SHISA9: variants seen among roughly 807,000 people sequenced by gnomAD.
SHISA9 encodes shisa family member 9, also known as protein shisa-9.
Under a neutral mutation model 38.0 loss-of-function variants are expected in SHISA9, and 13 were observed. The observed-to-expected ratio is 0.34, with a 90% CI of 0.22 to 0.54. The LOEUF is 0.54. Among genes scored for constraint, SHISA9 ranks in the 20% least tolerant of loss-of-function variants. SHISA9 has a pLI of 0.91. For missense variants in SHISA9, 538 were observed against 575.8 expected, an observed-to-expected ratio of 0.93 and a Z score of 0.67; for synonymous variants, 275 against 242.0, an observed-to-expected ratio of 1.14 and a Z score of -1.27.
At chr16:13,344,814 G>A in the SHISA9 span, among the ~76,000 whole-genome samples, 1 of 152,148 alleles carries the variant, frequency 6.6e-6, no homozygotes, top group African/African-American at 2.4e-5. Flanking sequence ...AGCCCAAGAA[G>A]CATGCCTCCA....
intron 2 of SHISA9, among the ~76,000 whole-genome samples, chr16:13,178,179 C>T (rs2050747633): frequency 6.6e-6 from 1 of 152,150 alleles, no homozygotes; most frequent in Non-Finnish European, 1.5e-5. Context: ...TCAAGTTGCT[C>T]AGAGCATTCT....
intron 2 of SHISA9, among the ~76,000 whole-genome samples, chr16:13,028,241 A>G (rs892652420): frequency 3.9e-5 from 6 of 152,140 alleles, no homozygotes; most frequent in Non-Finnish European, 8.8e-5. Flanking sequence ...TTAAGAAGAA[A>G]TCTGCCTCTA....
chr16:13,493,457 G>A, the SHISA9 span, among the ~76,000 whole-genome samples: 1 of 152,178 alleles, frequency 6.6e-6, no homozygotes, highest in East Asian at 1.9e-4. Flanking sequence ...GCAGAACAGC[G>A]AGGTCAGGAA....
intron 2 of SHISA9, among the ~76,000 whole-genome samples, chr16:12,986,691 A>T (rs980965041): frequency 2.0e-5 from 3 of 152,234 alleles, no homozygotes; most frequent in African/African-American, 7.2e-5. Context: ...TAATAGTGGT[A>T]ACAGCTAACA....
At chr16:13,191,707 G>A (rs745713094) in intron 2 of SHISA9, among the ~76,000 whole-genome samples, 8 of 152,150 alleles carry the variant, frequency 5.3e-5, no homozygotes, top group East Asian at 1.9e-4. Context: ...GTCCTGGATC[G>A]TGCTGTCTGT....
At chr16:13,078,230 A>C (rs1022109464) in intron 2 of SHISA9, among the ~76,000 whole-genome samples, 1 of 152,216 alleles carries the variant, frequency 6.6e-6, no homozygotes, top group African/African-American at 2.4e-5. Flanking sequence ...TAGATGCTCA[A>C]GTCCCTCATA....
At chr16:13,555,996 CAAAAG>C in the SHISA9 span, among the ~76,000 whole-genome samples, 6 of 152,098 alleles carry the variant, frequency 3.9e-5, no homozygotes, top group Admixed American at 3.9e-4. Flanking sequence ...GTTAGAAAAA[CAAAAG>C]AGAGAAAATA....
intron 1 of SHISA9, among the ~76,000 whole-genome samples, chr16:12,916,163 C>T (rs935735886): frequency 4.6e-5 from 7 of 152,124 alleles, no homozygotes; most frequent in African/African-American, 7.2e-5. Flanking sequence ...TTGAGCAGGT[C>T]GATTCACCTC....
chr16:13,394,510 T>A, the SHISA9 span, among the ~76,000 whole-genome samples: 2 of 152,182 alleles, frequency 1.3e-5, no homozygotes, highest in African/African-American at 4.8e-5. Context: ...CTATGTTCTC[T>A]CTCAGCTTTG....
the SHISA9 span, among the ~76,000 whole-genome samples, chr16:13,457,895 C>A: frequency 6.6e-6 from 1 of 152,086 alleles, no homozygotes; most frequent in South Asian, 2.1e-4. Flanking sequence ...AAAAATAATT[C>A]TTCCAAAGTA....
At chr16:13,403,330 A>C in the SHISA9 span, among the ~76,000 whole-genome samples, 403 of 152,302 alleles carry the variant, frequency 2.6e-3, 4 homozygotes, top group African/African-American at 9.3e-3. Context: ...TTAGGACCTA[A>C]TTTTTAAATA....
At chr16:13,360,892 C>G in the SHISA9 span, among the ~76,000 whole-genome samples, 3 of 152,196 alleles carry the variant, frequency 2.0e-5, no homozygotes, top group Admixed American at 6.5e-5. Flanking sequence ...AAGATGATCT[C>G]TGGTTGCCCA....
In SHISA9 at chr16:12,940,391, T is replaced by C. The variant is rs184108430; in HGVS notation, c.691+23576T>C. On this transcript the variant is annotated intron_variant, in intron 2 of 4. Transcript: ENST00000558583. ...CAACCCCAGTCCACATTCCTTTCCT[T>C]ATTCGGGAATAGGTTACCTTCCTAG... Among the ~76,000 whole-genome samples, 15 of 152,212 alleles carry C rather than the reference T, an allele frequency of 9.9e-5. No homozygotes were observed. In the East Asian group the frequency reaches 2.9e-3, roughly 29 times the overall value.
chr16:13,558,054 A>T, the SHISA9 span, among the ~76,000 whole-genome samples: 1 of 152,056 alleles, frequency 6.6e-6, no homozygotes, highest in African/African-American at 2.4e-5. Flanking sequence ...GAGACCAAAA[A>T]AAATTAAACT....
chr16:12,991,894 G>T (rs890442146), intron 2 of SHISA9, among the ~76,000 whole-genome samples: 1 of 151,884 alleles, frequency 6.6e-6, no homozygotes, highest in Non-Finnish European at 1.5e-5. Context: ...TATATCCTTA[G>T]CTTATCCATC....
the SHISA9 span, among the ~76,000 whole-genome samples, chr16:13,393,371 C>T: frequency 6.6e-6 from 1 of 152,210 alleles, no homozygotes; most frequent in Non-Finnish European, 1.5e-5. Flanking sequence ...CCATTCCTTT[C>T]CCCAAATGTC....
chr16:13,000,060 C>G (rs1382930378), intron 2 of SHISA9, among the ~76,000 whole-genome samples: 1 of 152,210 alleles, frequency 6.6e-6, no homozygotes, highest in Non-Finnish European at 1.5e-5. Flanking sequence ...TTCTCTATCA[C>G]TATAAGTCTT....
At chr16:13,354,601 G>C in the SHISA9 span, among the ~76,000 whole-genome samples, 57 of 149,228 alleles carry the variant, frequency 3.8e-4, no homozygotes, top group African/African-American at 1.2e-3. Flanking sequence ...AGTGAGTTGA[G>C]CATAGTTTGT....
chr16:13,478,123 T>C, the SHISA9 span, among the ~76,000 whole-genome samples: 15 of 152,204 alleles, frequency 9.9e-5, no homozygotes, highest in African/African-American at 3.4e-4. Context: ...TCCGGTTGTT[T>C]CTTTAACTGA....
Sources: gnomAD v4.1 joint callset for allele counts (sites outside exome capture counted in the v4.1 genomes callset) on GRCh38, gnomAD v4.1.1 for gene constraint, MANE v1.5 for transcripts, NCBI Gene and HGNC (gene_info 2026-07-23, HGNC 2026-07-21) for gene names.